Variants in CAB39L observed in about 807,000 individuals in gnomAD.
CAB39L encodes calcium binding protein 39 like, also known as calcium-binding protein 39-like.
CAB39L carries 23 observed loss-of-function variants against 39.1 expected under a neutral mutation model. The ratio of observed to expected loss-of-function variants is 0.59; its 90% CI spans 0.42 to 0.83. CAB39L has a LOEUF of 0.83. CAB39L is among the 40% of genes least tolerant of loss of function. The probability of loss-of-function intolerance (pLI) is 0.00; values close to 1 mark genes in which losing one functional copy is unlikely to be tolerated. For missense variants in CAB39L, 366 were observed against 391.9 expected (o/e 0.93, Z 0.56); for synonymous variants, 126 against 137.2 (o/e 0.92, Z 0.57).
chr13:49,423,089 A>G (rs548133836), intron 3 of CAB39L, among the ~76,000 whole-genome samples: 2 of 152,242 alleles, frequency 1.3e-5, no homozygotes, highest in African/African-American at 2.4e-5. Flanking sequence ...AAAAAGAGGA[A>G]GAAACAGCTG....
At chr13:49,325,716 G>A (rs574188885) in intron 10 of CAB39L, among the ~76,000 whole-genome samples, 3 of 152,324 alleles carry the variant, frequency 2.0e-5, no homozygotes, top group South Asian at 2.1e-4. Flanking sequence ...TTGAACCTGG[G>A]AGGTGGAGGG....
intron 3 of CAB39L, among the ~76,000 whole-genome samples, chr13:49,412,301 A>G (rs1310434574): frequency 1.3e-5 from 2 of 152,190 alleles, no homozygotes; most frequent in Non-Finnish European, 2.9e-5. Flanking sequence ...TTGGAAAAAA[A>G]GCCATAAAGT....
chr13:49,365,353 G>C (rs1955743377), intron 5 of CAB39L, among the ~76,000 whole-genome samples: 1 of 152,264 alleles, frequency 6.6e-6, no homozygotes, highest in South Asian at 2.1e-4. Context: ...GCTACTAAAA[G>C]AAAATATTGG....
chr13:49,441,221 G>GTATATATATATATATATATA (rs59783079), intron 1 of CAB39L, among the ~76,000 whole-genome samples: 1,624 of 120,800 alleles, frequency 0.013, 58 homozygotes, highest in African/African-American at 0.044. Context: ...ATGATTTAGT[G>GTATATATATATATATATATA]TATATATATA....
intron 10 of CAB39L, among the ~76,000 whole-genome samples, chr13:49,323,697 A>C (rs1206505511): frequency 6.6e-6 from 1 of 152,244 alleles, no homozygotes; most frequent in Non-Finnish European, 1.5e-5. Context: ...TAACATGACG[A>C]TGCTTGTCAA....
intron 3 of CAB39L, among the ~76,000 whole-genome samples, chr13:49,383,982 G>A (rs1010569598): frequency 1.3e-4 from 20 of 152,150 alleles, no homozygotes; most frequent in African/African-American, 4.6e-4. Context: ...GCTGAAGGAT[G>A]GAGTAGCTGT....
At chr13:49,440,864 T>G (rs1957505927) in intron 1 of CAB39L, among the ~76,000 whole-genome samples, 1 of 151,858 alleles carries the variant, frequency 6.6e-6, no homozygotes, top group African/African-American at 2.4e-5. Context: ...TCCTGAAACT[T>G]ACTGAAGTTA....
At chr13:49,439,762 T>C (rs753662763) in intron 1 of CAB39L, among the ~76,000 whole-genome samples, 2 of 152,204 alleles carry the variant, frequency 1.3e-5, no homozygotes, top group African/African-American at 2.4e-5. Context: ...TTTGACTTTT[T>C]AGTAAGAGCC....
Position 49,332,069 on chromosome 13 carries a change from CCAGGAT to C in CAB39L, c.706_711del (p.Ile236_Leu237del). 1 of 1,613,890 alleles carries C rather than the reference CCAGGAT, an allele frequency of 6.2e-7. No individual in the cohort carries two copies. Among genetic ancestry groups the C allele is most frequent in the Non-Finnish European group, 8.5e-7 (1 of 1,179,892 alleles). On this transcript the variant is annotated inframe_deletion, in exon 10 of 11. Transcript: ENST00000409308. ...GTCATGATGGCAAAGTTGTGACGGT[CCAGGAT>C]CAGCTCCCCTAGCAGCTAGAGGAAA...
chr13:49,411,606 A>C (rs977990822), intron 3 of CAB39L, among the ~76,000 whole-genome samples: 2 of 151,968 alleles, frequency 1.3e-5, no homozygotes, highest in African/African-American at 4.8e-5. Context: ...AATTTATTTT[A>C]TTTCTTTATA....
At chr13:49,408,618 G>C (rs558611066) in intron 3 of CAB39L, among the ~76,000 whole-genome samples, 1 of 152,290 alleles carries the variant, frequency 6.6e-6, no homozygotes, top group East Asian at 1.9e-4. Context: ...AAGCCCAGAA[G>C]TTCAAGACCA....
chr13:49,423,692 A>T (rs915847101), intron 3 of CAB39L, among the ~76,000 whole-genome samples: 4 of 152,228 alleles, frequency 2.6e-5, no homozygotes, highest in African/African-American at 9.6e-5. Context: ...CTCTCTTCCC[A>T]TACACGACAA....
intron 3 of CAB39L, among the ~76,000 whole-genome samples, chr13:49,425,007 C>T (rs188870991): frequency 1.4e-4 from 22 of 152,108 alleles, no homozygotes; most frequent in African/African-American, 4.1e-4. Context: ...GCAGAAAACA[C>T]GGCCAAAAAC....
chr13:49,382,981 C>T, intron 3 of CAB39L, 40 bp from the exon 4 acceptor site: 2 of 776,028 alleles, frequency 2.6e-6, no homozygotes, highest in Non-Finnish European at 4.2e-6. Flanking sequence ...AACTTTAACT[C>T]TTAATATGCT....
intron 9 of CAB39L, among the ~76,000 whole-genome samples, chr13:49,335,883 C>T (rs1406886606): frequency 6.6e-6 from 1 of 152,128 alleles, no homozygotes; most frequent in Admixed American, 6.5e-5. Flanking sequence ...CAGCAGGTAG[C>T]AACTACTTTG....
intron 3 of CAB39L, among the ~76,000 whole-genome samples, chr13:49,407,740 T>G (rs1448364164): frequency 1.3e-5 from 2 of 151,408 alleles, no homozygotes; most frequent in East Asian, 3.9e-4. Context: ...AAAAAGTGTA[T>G]TAAGGCCAAG....
At chr13:49,397,293 G>C (rs1273722208) in intron 3 of CAB39L, among the ~76,000 whole-genome samples, 2 of 151,954 alleles carry the variant, frequency 1.3e-5, no homozygotes, top group Non-Finnish European at 2.9e-5. Flanking sequence ...AAATGACTAA[G>C]AATAACTTGT....
At chr13:49,389,495 G>A (rs1956442016) in intron 3 of CAB39L, among the ~76,000 whole-genome samples, 1 of 152,064 alleles carries the variant, frequency 6.6e-6, no homozygotes, top group Admixed American at 6.5e-5. Context: ...ACAAAAATTA[G>A]CTGGGTGTGG....
chr13:49,333,568 C>CTTTTTTTTTTT (rs796079933), intron 9 of CAB39L, among the ~76,000 whole-genome samples: 3 of 111,852 alleles, frequency 2.7e-5, no homozygotes, highest in Admixed American at 9.3e-5. Flanking sequence ...TTCTTTCTTT[C>CTTTTTTTTTTT]TTTTTTTTTT....
Sources: allele counts gnomAD v4.1 joint callset (sites outside exome capture counted in the v4.1 genomes callset), GRCh38; gene constraint gnomAD v4.1.1; transcripts MANE v1.5; gene names NCBI Gene and HGNC (gene_info 2026-07-23, HGNC 2026-07-21).